The following RBMS3 variants were observed in gnomAD, a reference collection of about 807,000 sequenced individuals.
The protein encoded by RBMS3 is RNA-binding motif, single-stranded-interacting protein 3.
Under a neutral mutation model 66.8 loss-of-function variants are expected in RBMS3, and 27 were observed. The observed-to-expected ratio is 0.40, with a 90% CI of 0.30 to 0.56. RBMS3 has a LOEUF of 0.56. RBMS3 is among the 20% of genes least tolerant of loss of function. The probability of loss-of-function intolerance (pLI) is 0.40; values close to 1 mark genes in which losing one functional copy is unlikely to be tolerated. For missense variants in RBMS3, 513 were observed against 549.5 expected, an observed-to-expected ratio of 0.93 and a Z score of 0.66; for synonymous variants, 188 against 183.0, an observed-to-expected ratio of 1.03 and a Z score of -0.22.
intron 3 of RBMS3, among the ~76,000 whole-genome samples, chr3:29,531,211 A>G (rs1367894482): frequency 3.3e-5 from 5 of 152,242 alleles, no homozygotes; most frequent in African/African-American, 1.2e-4. Flanking sequence ...CAGGAGCATC[A>G]GCATCACCTG....
At chr3:29,712,054 A>G (rs1245577434) in intron 4 of RBMS3, among the ~76,000 whole-genome samples, 1 of 152,112 alleles carries the variant, frequency 6.6e-6, no homozygotes, top group Non-Finnish European at 1.5e-5. Context: ...TTCCCCTCGA[A>G]TAAAGCCTAC....
chr3:29,777,471 C>A (rs2056466948), intron 6 of RBMS3, among the ~76,000 whole-genome samples: 1 of 151,616 alleles, frequency 6.6e-6, no homozygotes, highest in Admixed American at 6.6e-5. Context: ...TTAGTAAATG[C>A]TTATAAAGTG....
At chr3:29,428,687 A>G (rs999136170) in intron 1 of RBMS3, among the ~76,000 whole-genome samples, 1 of 152,172 alleles carries the variant, frequency 6.6e-6, no homozygotes, top group Non-Finnish European at 1.5e-5. Flanking sequence ...AAACTTGAAA[A>G]ATGAGGTATA....
At chr3:29,458,457 C>T (rs1199167225) in intron 2 of RBMS3, among the ~76,000 whole-genome samples, 4 of 152,128 alleles carry the variant, frequency 2.6e-5, no homozygotes, top group Non-Finnish European at 2.9e-5. Context: ...TTTTAAGATA[C>T]TCCAGTCCCT....
chr3:29,952,204 T>A (rs976728718), intron 12 of RBMS3, among the ~76,000 whole-genome samples: 1 of 151,824 alleles, frequency 6.6e-6, no homozygotes, highest in Non-Finnish European at 1.5e-5. Context: ...CATCTCAACG[T>A]TATGGCATTT....
intron 4 of RBMS3, among the ~76,000 whole-genome samples, chr3:29,683,288 G>T (rs569322268): frequency 1.3e-4 from 20 of 152,258 alleles, no homozygotes; most frequent in African/African-American, 4.6e-4. Flanking sequence ...CAAGACAGTA[G>T]TATTTTCAAA....
At chr3:29,993,939 G>A (rs987784967) in intron 14 of RBMS3, among the ~76,000 whole-genome samples, 11 of 152,200 alleles carry the variant, frequency 7.2e-5, no homozygotes, top group Admixed American at 2.0e-4. Context: ...CAAGATGGCC[G>A]AATAGGAACA....
intron 4 of RBMS3, among the ~76,000 whole-genome samples, chr3:29,610,452 C>A (rs2048456514): frequency 2.6e-5 from 4 of 152,040 alleles, no homozygotes; most frequent in African/African-American, 9.7e-5. Flanking sequence ...CCACTTCTTG[C>A]AGGACCATTT....
Position 29,717,400 on chromosome 3 carries a change from T to A in RBMS3, c.400-22320T>A, listed in dbSNP as rs933854473. On this transcript the variant is annotated intron_variant, in intron 4 of 14. Transcript: ENST00000383767. The stretch of plus-strand genomic sequence containing the variant: ...TCTCAGCTATAAATTGTATTAATCT[T>A]ATGCATTCATTTCTGTAATGAGCAC... Among the ~76,000 whole-genome samples, 4 of 152,248 alleles carry A rather than the reference T, an allele frequency of 2.6e-5. No homozygotes were observed. The South Asian group carries it at 8.3e-4, about 32-fold the overall frequency.
chr3:29,306,609 C>T lies in RBMS3; in HGVS notation c.75+24853C>T, dbSNP rs574000749. On this transcript the variant is annotated intron_variant, in intron 1 of 14. Coordinates refer to ENST00000383767, the MANE Select transcript of RBMS3 (RefSeq NM_001003793.3). ...AAATACAGCAGAGCCTCAGATTTTT[C>T]CTCCCTTCCTTCTACATTTCTGCCA... is the stretch of plus-strand genomic sequence containing the variant. Among the ~76,000 whole-genome samples the T allele has an allele frequency of 2.1e-3, 314 of 151,914 alleles. 2 individuals carry two copies. The highest frequency in any genetic ancestry group is 7.2e-3 in the African/African-American group (299 of 41,480).
intron 4 of RBMS3, among the ~76,000 whole-genome samples, chr3:29,651,999 C>CATAATATGTATAA: frequency 6.6e-6 from 1 of 152,234 alleles, no homozygotes; most frequent in South Asian, 2.1e-4. Flanking sequence ...CCAGCTTATA[C>CATAATATGTATAA]GCACATAAAT....
chr3:29,587,073 CT>C (rs750516290), intron 3 of RBMS3, 40 bp from the exon 4 acceptor site: 1 of 1,489,136 alleles, frequency 6.7e-7, no homozygotes, highest in Non-Finnish European at 9.3e-7. Context: ...AGAGATTCAG[CT>C]TTTTGTGAAT....
intron 4 of RBMS3, among the ~76,000 whole-genome samples, chr3:29,647,336 G>T (rs2049960668): frequency 6.6e-6 from 1 of 152,130 alleles, no homozygotes; most frequent in Admixed American, 6.5e-5. Context: ...GGTGGCCCTT[G>T]CCAGGAAGTG....
At chr3:29,921,676 A>G (rs150596604) in intron 10 of RBMS3, among the ~76,000 whole-genome samples, 162 of 152,088 alleles carry the variant, frequency 1.1e-3, no homozygotes, top group African/African-American at 3.7e-3. Flanking sequence ...ATTATAGCCA[A>G]CTCTTCAGAG....
At chr3:29,633,137 A>G (rs949414528) in intron 4 of RBMS3, among the ~76,000 whole-genome samples, 1 of 151,782 alleles carries the variant, frequency 6.6e-6, no homozygotes, top group African/African-American at 2.4e-5. Context: ...CTTTATCTCC[A>G]TATATCAATA....
intron 11 of RBMS3, among the ~76,000 whole-genome samples, chr3:29,937,117 G>T (rs990429614): frequency 6.6e-6 from 1 of 151,968 alleles, no homozygotes; most frequent in Non-Finnish European, 1.5e-5. Flanking sequence ...AAGAGCACTG[G>T]ACTAGGAGTC....
At chr3:29,530,764 C>T (rs938590557) in intron 3 of RBMS3, among the ~76,000 whole-genome samples, 7 of 150,842 alleles carry the variant, frequency 4.6e-5, no homozygotes, top group South Asian at 2.1e-4. Context: ...CCCAGCTACT[C>T]GGAAGGCTGA....
At chr3:29,384,945 C>T (rs545399723) in intron 1 of RBMS3, among the ~76,000 whole-genome samples, 21 of 151,960 alleles carry the variant, frequency 1.4e-4, no homozygotes, top group South Asian at 6.2e-4. Context: ...TCAGTGCTTT[C>T]GGAGCAGAGA....
chr3:29,663,857 G>A (rs1363941517), intron 4 of RBMS3, among the ~76,000 whole-genome samples: 2 of 152,162 alleles, frequency 1.3e-5, no homozygotes, highest in African/African-American at 4.8e-5. Context: ...TCAAGGCCAT[G>A]TTCCCAGTGT....
Sources: allele counts gnomAD v4.1 joint callset (sites outside exome capture counted in the v4.1 genomes callset), GRCh38; gene constraint gnomAD v4.1.1; transcripts MANE v1.5; gene names NCBI Gene and HGNC (gene_info 2026-07-23, HGNC 2026-07-21).